Variants in DAP observed in about 807,000 individuals in gnomAD.
DAP encodes the protein death associated protein, also known as death-associated protein 1.
Under a neutral mutation model 13.8 loss-of-function variants are expected in DAP, and 8 were observed. The observed-to-expected ratio is 0.58, with a 90% CI of 0.34 to 1.05. DAP has a LOEUF of 1.05. DAP is among the 50% of genes least tolerant of loss of function. DAP has a pLI of 0.03. For synonymous variants in DAP, 47 were observed against 47.5 expected (o/e 0.99, Z 0.04); for missense variants, 106 against 133.2 (o/e 0.80, Z 1.01).
chr5:10,706,424 G>A (rs534048141), intron 2 of DAP, among the ~76,000 whole-genome samples: 3 of 152,330 alleles, frequency 2.0e-5, no homozygotes, highest in East Asian at 3.9e-4. Context: ...GTGAGTAAGA[G>A]GAGAAGCTAG....
At position 10,707,276 on chromosome 5, in the gene DAP, T is replaced by G. The variant is rs1168231533; in HGVS notation, c.153-23705A>C. Among the ~76,000 whole-genome samples the G allele has an allele frequency of 6.6e-6, 1 of 152,218 alleles. No individual in the cohort carries two copies. Among genetic ancestry groups the G allele is most frequent in the African/African-American group, 2.4e-5 (1 of 41,446 alleles). ...CAGCTGATATCTGAAAGGTGTAGCT[T>G]AGTCAGCTGAGCAAGTGTTGAGAGG... On this transcript the variant is annotated intron_variant, in intron 2 of 3. Coordinates refer to ENST00000230895, the MANE Select transcript of DAP (RefSeq NM_004394.3). This position sits in a 1 kb window ranked among gnomAD's most constrained non-coding sequence, Gnocchi z 4.0.
chr5:10,718,445 C>G (rs1385344556), intron 2 of DAP, among the ~76,000 whole-genome samples: 1 of 152,166 alleles, frequency 6.6e-6, no homozygotes, highest in African/African-American at 2.4e-5. Flanking sequence ...CAAATGGAAG[C>G]CATTAGAGTT....
chr5:10,690,282 C>G (rs1376041150), intron 2 of DAP, among the ~76,000 whole-genome samples: 2 of 152,210 alleles, frequency 1.3e-5, no homozygotes, highest in Non-Finnish European at 2.9e-5. Context: ...TCCCTTCTAA[C>G]TTCGCTTTGA....
intron 1 of DAP, among the ~76,000 whole-genome samples, chr5:10,758,791 CAG>C (rs1740263554): frequency 6.6e-6 from 1 of 152,246 alleles, no homozygotes; most frequent in Non-Finnish European, 1.5e-5. Flanking sequence ...CTTCCCTCCT[CAG>C]GGGTAAATAA....
At chr5:10,694,182 C>T (rs934022805) in intron 2 of DAP, among the ~76,000 whole-genome samples, 1 of 152,090 alleles carries the variant, frequency 6.6e-6, no homozygotes, top group African/African-American at 2.4e-5. Flanking sequence ...GGGCCAGAGA[C>T]GATTCAGAAC....
At chr5:10,683,596 AGAT>A (rs777012616) in intron 2 of DAP, 25 bp from the exon 3 acceptor site, 4 of 1,612,470 alleles carry the variant, frequency 2.5e-6, no homozygotes, top group Non-Finnish European at 3.4e-6. Context: ...GGGAAAAGGC[AGAT>A]TTAACAAAAC....
intron 1 of DAP, among the ~76,000 whole-genome samples, chr5:10,759,539 C>T (rs1406986421): frequency 6.6e-6 from 1 of 152,168 alleles, no homozygotes; most frequent in East Asian, 1.9e-4. Flanking sequence ...TTTCTAAAAC[C>T]CCATGCCTCT....
At chr5:10,734,535 G>A (rs2918386) in intron 2 of DAP, among the ~76,000 whole-genome samples, 35,323 of 152,068 alleles carry the variant, frequency 0.23, 4,318 homozygotes, top group Middle Eastern at 0.35. Flanking sequence ...CCAGCCTCAA[G>A]CCTTTCTCTG....
At chr5:10,714,018 A>G (rs1409509852) in intron 2 of DAP, among the ~76,000 whole-genome samples, 1 of 152,258 alleles carries the variant, frequency 6.6e-6, no homozygotes, top group Non-Finnish European at 1.5e-5. Context: ...GAAAGGGCAT[A>G]TGGGGTGTAG....
Position 10,681,157 on chromosome 5 carries a change from A to C in DAP, c.208T>G (p.Phe70Val), listed in dbSNP as rs143260700. Residue 70 changes from phenylalanine (F) to valine (V), a missense_variant, in exon 4 of 4, where the codon TTC becomes GTC. Coordinates refer to ENST00000230895, the MANE Select transcript of DAP (RefSeq NM_004394.3). ...SGVIARGDKD[F>V]PPAAAQVAHQ... is the part of the protein sequence containing the mutation. ...GCCACCTGCGCAGCCGCCGGGGGGA[A>C]ATCTTTGTCACCCTGTCAGGAAACA... The C allele has an allele frequency of 2.0e-6, 3 of 1,510,356 alleles. No individual in the cohort carries two copies. Among genetic ancestry groups the C allele is most frequent in the African/African-American group, 2.8e-5 (2 of 71,964 alleles). The allele number at this position is 1,510,356 out of a possible 1,614,324, so 93.6% of individuals were successfully genotyped here. A position where few individuals can be genotyped will look rare whatever the true frequency, so the allele number is the denominator to read the frequency against.
chr5:10,760,613 G>GA (rs1204328860), intron 1 of DAP, among the ~76,000 whole-genome samples: 1 of 152,230 alleles, frequency 6.6e-6, no homozygotes, highest in Non-Finnish European at 1.5e-5. Context: ...TCATCACCAT[G>GA]ATATTAACAC....
Position 10,707,787 on chromosome 5 carries a change from G to A in DAP, c.153-24216C>T, listed in dbSNP as rs1484175400. ...AATCATGTGATGCACAGGTGCTATG[G>A]TGCAAAGATGGTGTGATGGATGGGT... On this transcript the variant is annotated intron_variant, in intron 2 of 3. Coordinates refer to ENST00000230895, the MANE Select transcript of DAP (RefSeq NM_004394.3). This position sits in a 1 kb window ranked among gnomAD's most constrained non-coding sequence, Gnocchi z 4.0. Among the ~76,000 whole-genome samples, 1 of 152,184 alleles carries A rather than the reference G, an allele frequency of 6.6e-6. No individual in the cohort carries two copies. The highest frequency in any genetic ancestry group is 1.5e-5 in the Non-Finnish European group (1 of 68,038).
intron 2 of DAP, among the ~76,000 whole-genome samples, chr5:10,739,379 C>T (rs931045376): frequency 2.0e-5 from 3 of 149,844 alleles, no homozygotes; most frequent in Non-Finnish European, 4.4e-5. Context: ...TTTAAAAAAT[C>T]ACCACAGATG....
chr5:10,705,846 C>A (rs1232551535), intron 2 of DAP, among the ~76,000 whole-genome samples: 2 of 152,124 alleles, frequency 1.3e-5, no homozygotes, highest in African/African-American at 4.8e-5. Flanking sequence ...GGTGGGTATG[C>A]TGGACCAGGT....
intron 1 of DAP, among the ~76,000 whole-genome samples, chr5:10,755,688 C>T (rs1286364637): frequency 6.6e-6 from 1 of 152,076 alleles, no homozygotes; most frequent in East Asian, 1.9e-4. Context: ...ATTCTCTATA[C>T]CTAATATAGT....
intron 2 of DAP, among the ~76,000 whole-genome samples, chr5:10,743,991 T>G (rs1182077020): frequency 6.6e-6 from 1 of 152,014 alleles, no homozygotes; most frequent in East Asian, 1.9e-4. Flanking sequence ...GGAATAAGAG[T>G]TGCATAAACA....
At chr5:10,683,293 C>A (rs2126633238) in intron 3 of DAP, 1 of 593,680 alleles carries the variant, frequency 1.7e-6, no homozygotes, top group South Asian at 1.9e-5. Context: ...GCTTAAGTCA[C>A]AATGTTGGGT....
chr5:10,728,822 A>T (rs1025020765), intron 2 of DAP, among the ~76,000 whole-genome samples: 2 of 152,116 alleles, frequency 1.3e-5, no homozygotes, highest in Admixed American at 1.3e-4. Flanking sequence ...TTGGGGGGAG[A>T]GATGCGGAGA....
At chr5:10,754,157 G>A (rs1740118103) in intron 1 of DAP, among the ~76,000 whole-genome samples, 1 of 152,200 alleles carries the variant, frequency 6.6e-6, no homozygotes, top group Non-Finnish European at 1.5e-5. Flanking sequence ...TGCACCTGAA[G>A]GTGGGAACCC....
Sources: allele counts gnomAD v4.1 joint callset (sites outside exome capture counted in the v4.1 genomes callset), GRCh38; gene constraint gnomAD v4.1.1; non-coding constraint Gnocchi (gnomAD v3.1); transcripts MANE v1.5; gene names NCBI Gene and HGNC (gene_info 2026-07-23, HGNC 2026-07-21).